Variants in GAB1 observed in about 807,000 individuals in gnomAD.
GAB1 encodes the protein GRB2 associated binding protein 1.
A neutral mutation model predicts 66.5 loss-of-function variants in GAB1; 19 were observed. The observed-to-expected ratio is 0.29, with a 90% CI of 0.20 to 0.42. The LOEUF is 0.42. Ranked by LOEUF, GAB1 falls within the 10% of genes least tolerant of loss-of-function variation. GAB1 has a pLI of 1.00. For missense variants in GAB1, 732 were observed against 858.5 expected (o/e 0.85, Z 1.84); for synonymous variants, 294 against 301.4 (o/e 0.98, Z 0.25).
rs139752992 is a variant in GAB1 at position 143,438,132 on chromosome 4, G to C, written c.727G>C (p.Asp243His). 6.2e-7 allele frequency: 1 copy of C among 1,613,880 alleles called. No homozygotes were observed. The change falls in exon 4 of 10, where the codon GAC becomes CAC. Residue 243 changes from aspartate (D) to histidine (H), a missense_variant. Physicochemically the swap from Asp to His is moderately conservative, Grantham distance 81. This residue lies in a region of GAB1 where 427 missense variants were observed against 420.6 expected (regional missense o/e 1.02). Transcript: ENST00000262994. ...CTTTTTTCAGCAGCAAATGATATACGACTCTCCACCTTCACGTGCCCCATC... is the reference window on the plus strand; with the variant it reads ...CTTTTTTCAGCAGCAAATGATATACCACTCTCCACCTTCACGTGCCCCATC... The part of the protein sequence containing the change: ...NGFFQQQMIY[D>H]SPPSRAPSAS...
intron 6 of GAB1, among the ~76,000 whole-genome samples, chr4:143,456,057 T>C (rs1205671221): frequency 6.6e-6 from 1 of 152,216 alleles, no homozygotes; most frequent in Non-Finnish European, 1.5e-5. Context: ...AAACTAGATT[T>C]GTAAGGGCCT....
intron 6 of GAB1, among the ~76,000 whole-genome samples, chr4:143,442,704 A>G (rs1176490815): frequency 6.6e-6 from 1 of 152,128 alleles, no homozygotes; most frequent in African/African-American, 2.4e-5. Context: ...CTAGTACACT[A>G]GAGACTAATC....
intron 1 of GAB1, among the ~76,000 whole-genome samples, chr4:143,351,715 A>G (rs1729234829): frequency 6.6e-6 from 1 of 151,970 alleles, no homozygotes; most frequent in Admixed American, 6.6e-5. Flanking sequence ...TTCCATAACA[A>G]TTTGACAATT....
intron 2 of GAB1, among the ~76,000 whole-genome samples, chr4:143,423,693 C>T (rs940467083): frequency 7.4e-5 from 11 of 149,214 alleles, no homozygotes; most frequent in South Asian, 2.1e-4. Flanking sequence ...AGGAGAATGG[C>T]GTGAACCCGG....
chr4:143,349,608 C>T (rs1172081375), intron 1 of GAB1: 31 of 1,476,006 alleles, frequency 2.1e-5, no homozygotes, highest in Non-Finnish European at 2.8e-5. Context: ...GGCCTGTCAC[C>T]TTGCAAGGGA....
chr4:143,360,930 G>A (rs1204817887), intron 1 of GAB1, among the ~76,000 whole-genome samples: 2 of 152,172 alleles, frequency 1.3e-5, no homozygotes, highest in Non-Finnish European at 2.9e-5. Context: ...AACAAAGTGT[G>A]AGTGCTTATT....
intron 1 of GAB1, among the ~76,000 whole-genome samples, chr4:143,386,304 A>C (rs1730909849): frequency 6.6e-6 from 1 of 152,176 alleles, no homozygotes; most frequent in African/African-American, 2.4e-5. Context: ...GTAATGAGAT[A>C]CCTTGGAGAA....
At chr4:143,459,606 T>C in intron 7 of GAB1, 128 bp downstream of exon 7, 1 of 681,062 alleles carries the variant, frequency 1.5e-6, no homozygotes, top group Non-Finnish European at 2.6e-6. Flanking sequence ...TTTTTGGGGG[T>C]TCTGTGAAGT....
At chr4:143,458,317 G>T (rs1735303170) in intron 6 of GAB1, among the ~76,000 whole-genome samples, 1 of 151,962 alleles carries the variant, frequency 6.6e-6, no homozygotes, top group African/African-American at 2.4e-5. Context: ...AGTTAATTTG[G>T]TCTTCATTAT....
chr4:143,421,716 A>G (rs1198461520), intron 2 of GAB1, among the ~76,000 whole-genome samples: 1 of 59,202 alleles, frequency 1.7e-5, no homozygotes, highest in South Asian at 6.5e-4. Context: ...TTTTTTTTGC[A>G]TATTTCCAAG....
chr4:143,405,019 A>G (rs1731968707), intron 1 of GAB1, among the ~76,000 whole-genome samples: 1 of 152,178 alleles, frequency 6.6e-6, no homozygotes. Context: ...TTGAGAGATA[A>G]CATGAATTTT....
intron 8 of GAB1, among the ~76,000 whole-genome samples, chr4:143,462,255 A>C (rs1560788286): frequency 6.6e-6 from 1 of 152,162 alleles, no homozygotes; most frequent in Non-Finnish European, 1.5e-5. Flanking sequence ...TAAGTTAATT[A>C]GTTTTCCTCA....
chr4:143,413,824 C>CTTTTTTTTTTTT (rs35422180), intron 1 of GAB1, among the ~76,000 whole-genome samples: 5 of 67,824 alleles, frequency 7.4e-5, no homozygotes, highest in Admixed American at 3.5e-4. Flanking sequence ...CCCCGCTGCC[C>CTTTTTTTTTTTT]TTTTTTTTTT....
intron 2 of GAB1, among the ~76,000 whole-genome samples, chr4:143,421,415 A>G (rs1202691433): frequency 1.3e-5 from 2 of 152,126 alleles, no homozygotes; most frequent in Non-Finnish European, 2.9e-5. Flanking sequence ...GTATACACCC[A>G]TGAGTATAAT....
chr4:143,455,836 G>A (rs1469277262), intron 6 of GAB1, among the ~76,000 whole-genome samples: 1 of 152,166 alleles, frequency 6.6e-6, no homozygotes, highest in African/African-American at 2.4e-5. Context: ...TGAACTCCAA[G>A]CAGCTCCAAC....
chr4:143,349,141 T>C (rs1454969702), intron 1 of GAB1: 4 of 414,428 alleles, frequency 9.7e-6, no homozygotes, highest in African/African-American at 6.2e-5. Flanking sequence ...GAGCCCCAGG[T>C]ACATTTGCCT....
intron 1 of GAB1, among the ~76,000 whole-genome samples, chr4:143,367,306 G>C (rs1729923177): frequency 6.6e-6 from 1 of 152,150 alleles, no homozygotes; most frequent in African/African-American, 2.4e-5. Context: ...ATAAATGCTT[G>C]TTGAAATGGA....
intron 2 of GAB1, among the ~76,000 whole-genome samples, chr4:143,420,013 C>T (rs144592333): frequency 2.6e-5 from 4 of 152,230 alleles, no homozygotes; most frequent in African/African-American, 9.6e-5. Flanking sequence ...CATATTCATA[C>T]AGTTTAATAT....
chr4:143,439,910 T>G (rs761008302), intron 5 of GAB1, 23 bp downstream of exon 5: 2 of 1,551,212 alleles, frequency 1.3e-6, no homozygotes, highest in Non-Finnish European at 1.8e-6. Context: ...GACCTTGGCA[T>G]CATCAAGTGT....
Sources: gnomAD v4.1 joint callset for allele counts (sites outside exome capture counted in the v4.1 genomes callset) on GRCh38, gnomAD v4.1.1 for gene constraint, gnomAD v4.1.1 regional missense constraint, MANE v1.5 for transcripts, NCBI Gene and HGNC (gene_info 2026-07-23, HGNC 2026-07-21) for gene names.